The following INTS9 variants were observed in gnomAD, a reference collection of about 807,000 sequenced individuals.
The protein encoded by INTS9 is protein related to CPSF subunits of 74 kDa.
Under a neutral mutation model 79.7 loss-of-function variants are expected in INTS9, and 55 were observed. That is an observed-to-expected ratio of 0.69 (90% CI 0.56 to 0.86). The LOEUF (loss-of-function observed/expected upper bound fraction) is 0.86. Among genes scored for constraint, INTS9 ranks in the 40% least tolerant of loss-of-function variants. The pLI, the probability that INTS9 is intolerant of heterozygous loss-of-function variation, is 0.00. For synonymous variants in INTS9, 319 were observed against 325.2 expected (o/e 0.98, Z 0.20); for missense variants, 721 against 831.5 (o/e 0.87, Z 1.64).
chr8:28,830,577 A>G (rs1806423013), intron 6 of INTS9, among the ~76,000 whole-genome samples: 1 of 151,604 alleles, frequency 6.6e-6, no homozygotes, highest in South Asian at 2.1e-4. Context: ...GTGAGCTGAC[A>G]TCGCATCACT....
chr8:28,888,359 C>G (rs1810274035), intron 1 of INTS9, among the ~76,000 whole-genome samples: 1 of 152,128 alleles, frequency 6.6e-6, no homozygotes, highest in South Asian at 2.1e-4. Context: ...TGAGACCAGC[C>G]TGGGCAACAT....
At position 28,842,653 on chromosome 8, in the gene INTS9, C is replaced by T. The variant is rs569334722; in HGVS notation, c.261+4094G>A. 1.1e-3 allele frequency among the ~76,000 whole-genome samples: 171 copies of T among 152,158 alleles called. 2 individuals carry two copies. The highest frequency in any genetic ancestry group is 2.0e-3 in the Non-Finnish European group (137 of 67,966). ...TTTCTCCAAGCTCCATATCTTGAAA[C>T]GTTTCACCTCCCACTTTTTTTTTTT... On this transcript the variant is annotated intron_variant, in intron 4 of 16. Transcript: ENST00000521022.
intron 1 of INTS9, among the ~76,000 whole-genome samples, chr8:28,873,751 T>C (rs1430780300): frequency 6.6e-6 from 1 of 152,244 alleles, no homozygotes; most frequent in Admixed American, 6.5e-5. Flanking sequence ...GACTGCAACA[T>C]ACTTTCTAGT....
chr8:28,800,244 G>C (rs241167), intron 8 of INTS9, among the ~76,000 whole-genome samples: 1 of 152,148 alleles, frequency 6.6e-6, no homozygotes, highest in South Asian at 2.1e-4. Context: ...GGTAGGAAAC[G>C]TCAGAATTTC....
intron 6 of INTS9, among the ~76,000 whole-genome samples, chr8:28,828,522 A>T (rs1806281058): frequency 6.6e-6 from 1 of 152,208 alleles, no homozygotes; most frequent in Non-Finnish European, 1.5e-5. Flanking sequence ...AGCCTAGAAG[A>T]AATAAGTTGC....
At chr8:28,831,647 G>A (rs1478081450) in intron 6 of INTS9, among the ~76,000 whole-genome samples, 2 of 152,170 alleles carry the variant, frequency 1.3e-5, no homozygotes. Flanking sequence ...GAGAAAAGGT[G>A]AAATAAGGAT....
At position 28,791,187 on chromosome 8, in the gene INTS9, C is replaced by T. The variant is rs151323712; in HGVS notation, c.1037+2620G>A. Among the ~76,000 whole-genome samples the T allele has an allele frequency of 3.1e-4, 47 of 152,270 alleles. 1 individual carries two copies. The highest frequency in any genetic ancestry group is 1.1e-3 in the African/African-American group (44 of 41,538). On this transcript the variant is annotated intron_variant, in intron 10 of 16. Coordinates refer to ENST00000521022, the MANE Select transcript of INTS9 (RefSeq NM_018250.4). ...CTTCTGCAAAGACTCTTGTCTTGTA[C>T]TTCAGTTGCACCCCCTCCCACCACC... is the stretch of plus-strand genomic sequence containing the variant.
intron 1 of INTS9, among the ~76,000 whole-genome samples, chr8:28,888,383 T>C (rs1001630456): frequency 6.6e-6 from 1 of 152,200 alleles, no homozygotes; most frequent in Non-Finnish European, 1.5e-5. Flanking sequence ...TAAACCCCAT[T>C]TCTACAAAAA....
intron 6 of INTS9, among the ~76,000 whole-genome samples, chr8:28,827,740 A>G (rs752410663): frequency 3.9e-5 from 6 of 152,214 alleles, no homozygotes; most frequent in Non-Finnish European, 7.3e-5. Flanking sequence ...CTACCAAAGC[A>G]TGACAGGAAC....
intron 2 of INTS9, among the ~76,000 whole-genome samples, chr8:28,853,905 G>C (rs1807997746): frequency 6.6e-6 from 1 of 151,820 alleles, no homozygotes; most frequent in Non-Finnish European, 1.5e-5. Flanking sequence ...TTTTTAGTTA[G>C]AGACAGTGTT....
At chr8:28,882,332 C>T (rs1183298214) in intron 1 of INTS9, among the ~76,000 whole-genome samples, 1 of 51,168 alleles carries the variant, frequency 2.0e-5, no homozygotes, top group Non-Finnish European at 6.9e-5. Flanking sequence ...GGCCGAAGGC[C>T]GCAGGGTCCT....
intron 15 of INTS9, among the ~76,000 whole-genome samples, chr8:28,770,449 C>T (rs370289043): frequency 1.3e-5 from 2 of 152,192 alleles, no homozygotes; most frequent in African/African-American, 4.8e-5. Flanking sequence ...AAGCTGCCTA[C>T]GAAATGATGA....
chr8:28,834,924 A>G (rs1420713775), intron 6 of INTS9, among the ~76,000 whole-genome samples: 2 of 152,134 alleles, frequency 1.3e-5, no homozygotes, highest in African/African-American at 2.4e-5. Flanking sequence ...TGATCTGCCC[A>G]TCTCGGCCTC....
intron 6 of INTS9, among the ~76,000 whole-genome samples, chr8:28,823,043 A>G (rs1386620117): frequency 1.3e-5 from 2 of 152,188 alleles, no homozygotes; most frequent in African/African-American, 4.8e-5. Context: ...CCTCAGCTGA[A>G]AGCCATGGCA....
At chr8:28,774,369 T>C (rs1002052803) in intron 14 of INTS9, among the ~76,000 whole-genome samples, 4 of 152,210 alleles carry the variant, frequency 2.6e-5, no homozygotes, top group Admixed American at 2.0e-4. Context: ...CAAACATCAA[T>C]AGACATAACC....
At chr8:28,881,829 G>A (rs1809845972) in intron 1 of INTS9, among the ~76,000 whole-genome samples, 1 of 141,490 alleles carries the variant, frequency 7.1e-6, no homozygotes, top group African/African-American at 2.6e-5. Context: ...CGGGAGGGTG[G>A]TGGGGGGGTC....
At chr8:28,797,893 C>G (rs1446371523) in intron 8 of INTS9, among the ~76,000 whole-genome samples, 3 of 152,244 alleles carry the variant, frequency 2.0e-5, no homozygotes, top group African/African-American at 7.2e-5. Flanking sequence ...GTCTCAACAT[C>G]TGCATTGTGG....
rs1215601683 is a variant in INTS9, at chr8:28,881,898, C to A, written c.9+7976G>T. 1.7e-4 allele frequency among the ~76,000 whole-genome samples: 25 copies of A among 147,340 alleles called. 1 individual carries two copies. Among genetic ancestry groups the A allele is most frequent in the Non-Finnish European group, 3.0e-5 (2 of 66,442 alleles). On this transcript the variant is annotated intron_variant, in intron 1 of 16. Coordinates refer to ENST00000521022, the MANE Select transcript of INTS9 (RefSeq NM_018250.4). The stretch of plus-strand genomic sequence containing the variant: ...GGTGAGGGGCGCTTCTGCCCGGCCG[C>A]CCCCACTGGGAAGTGAGGAGCCCCT...
chr8:28,769,585 G>A (rs1802407896), intron 16 of INTS9: 1 of 241,044 alleles, frequency 4.1e-6, no homozygotes, highest in Admixed American at 5.4e-5. Context: ...GCAGGGCCGG[G>A]TCCCTCTTTG....
Sources: gnomAD v4.1 joint callset for allele counts (sites outside exome capture counted in the v4.1 genomes callset) on GRCh38, gnomAD v4.1.1 for gene constraint, MANE v1.5 for transcripts, NCBI Gene and HGNC (gene_info 2026-07-23, HGNC 2026-07-21) for gene names.